Variants in TEX9 observed in about 807,000 individuals in gnomAD.
TEX9 encodes the protein testis expressed 9, also known as testis-expressed protein 9.
A neutral mutation model predicts 59.6 loss-of-function variants in TEX9; 74 were observed. That is an observed-to-expected ratio of 1.24 (90% CI 1.03 to 1.51). The LOEUF (loss-of-function observed/expected upper bound fraction) is 1.51, where lower values mean the gene tolerates loss of function less well. TEX9 is among the 40% of genes most tolerant of loss of function. TEX9 has a pLI of 0.00. For synonymous variants in TEX9, 186 were observed against 152.2 expected, an observed-to-expected ratio of 1.22 and a Z score of -1.64; for missense variants, 522 against 447.8, an observed-to-expected ratio of 1.17 and a Z score of -1.49.
At chr15:56,429,289 C>G (rs1166671174) in intron 12 of TEX9, 1 of 751,996 alleles carries the variant, frequency 1.3e-6, no homozygotes. Flanking sequence ...AAAGTTATCT[C>G]CAAGGTAATG....
At chr15:56,333,349 G>C (rs1417930397) in intron 1 of TEX9, among the ~76,000 whole-genome samples, 5 of 151,886 alleles carry the variant, frequency 3.3e-5, no homozygotes, top group African/African-American at 1.2e-4. Flanking sequence ...AGTGATGGAG[G>C]GATGGTTCAA....
At chr15:56,384,454 T>C (rs2142178207) in intron 4 of TEX9, among the ~76,000 whole-genome samples, 1 of 152,248 alleles carries the variant, frequency 6.6e-6, no homozygotes, top group Non-Finnish European at 1.5e-5. Context: ...GCCATGAAGA[T>C]GAGTAAAATT....
downstream of TEX9, among the ~76,000 whole-genome samples, chr15:56,448,197 C>A (rs139123815): frequency 6.6e-6 from 1 of 152,150 alleles, no homozygotes. Context: ...AGTAGATGCA[C>A]GTTCAGCGTT....
At chr15:56,423,125 A>T (rs80206393) in intron 10 of TEX9, among the ~76,000 whole-genome samples, 375 of 152,294 alleles carry the variant, frequency 2.5e-3, no homozygotes, top group Non-Finnish European at 4.0e-3. Flanking sequence ...ACAGATATCA[A>T]TGTCTCCTAG....
intron 9 of TEX9, chr15:56,396,159 C>G (rs541628636): frequency 6.6e-6 from 1 of 152,102 alleles, no homozygotes; most frequent in African/African-American, 2.4e-5. Context: ...TAGCATATCC[C>G]GAGATTTAGT....
chr15:56,264,841 A>T (rs192120767), intron 1 of TEX9, among the ~76,000 whole-genome samples: 1 of 152,178 alleles, frequency 6.6e-6, no homozygotes, highest in Non-Finnish European at 1.5e-5. Context: ...TTTCCACACT[A>T]TGTTTTAGAA....
At chr15:56,372,600 G>C (rs1374510277) in intron 2 of TEX9, among the ~76,000 whole-genome samples, 2 of 152,132 alleles carry the variant, frequency 1.3e-5, no homozygotes, top group Admixed American at 6.5e-5. Flanking sequence ...TCGTATAGCA[G>C]TTTAACATGC....
chr15:56,381,868 A>T (rs900151081), intron 3 of TEX9, among the ~76,000 whole-genome samples: 1 of 152,124 alleles, frequency 6.6e-6, no homozygotes, highest in Non-Finnish European at 1.5e-5. Flanking sequence ...GCTACCACCT[A>T]TGTTCACTCA....
intron 1 of TEX9, among the ~76,000 whole-genome samples, chr15:56,309,693 G>GTT (rs60648387): frequency 0.02 from 1,193 of 60,722 alleles, 109 homozygotes; most frequent in East Asian, 0.17. Context: ...TTTATGGGAA[G>GTT]TTTTTTTTTT....
At chr15:56,394,562 A>G (rs113221317) in intron 8 of TEX9, 99 bp from the exon 9 acceptor site, 1 of 904,270 alleles carries the variant, frequency 1.1e-6, no homozygotes, top group Non-Finnish European at 1.7e-6. Flanking sequence ...TGAAACGTGT[A>G]TAAATATCAA....
At chr15:56,377,170 AT>A (rs1301718479) in intron 3 of TEX9, among the ~76,000 whole-genome samples, 1 of 152,082 alleles carries the variant, frequency 6.6e-6, no homozygotes, top group Admixed American at 6.6e-5. Context: ...CCATAGTATA[AT>A]TTGAAGCCAG....
chr15:56,270,735 G>T (rs923945237), intron 1 of TEX9, among the ~76,000 whole-genome samples: 2 of 152,124 alleles, frequency 1.3e-5, no homozygotes, highest in Non-Finnish European at 2.9e-5. Flanking sequence ...AGCATTGATG[G>T]TCTTTACAAT....
chr15:56,427,686 A>AC lies in TEX9; in HGVS notation c.1045_1046insC (p.Met349ThrfsTer12). ...GCTAGAAAAACAAAAAGGAGAATTA[A>AC]TGATAGGGTTCAAGAAACAGTTAAA... is the stretch of plus-strand genomic sequence containing the variant. On this transcript the variant is annotated frameshift_variant, in exon 11 of 13. Coordinates refer to ENST00000352903, the Ensembl canonical transcript of TEX9. LOFTEE classifies it high-confidence loss of function. 6.5e-7 allele frequency: 1 copy of AC among 1,532,900 alleles called. No homozygotes were observed. The highest frequency in any genetic ancestry group is 8.8e-7 in the Non-Finnish European group (1 of 1,140,658). The allele number at this position is 1,532,900 out of a possible 1,614,324, so 95.0% of individuals were successfully genotyped here.
chr15:56,339,125 G>C (rs2046315695), intron 1 of TEX9, among the ~76,000 whole-genome samples: 1 of 151,700 alleles, frequency 6.6e-6, no homozygotes, highest in Non-Finnish European at 1.5e-5. Flanking sequence ...GCTCACGTCT[G>C]TAATCCCAGC....
At chr15:56,431,315 A>G in intron 12 of TEX9, 1 of 1,575,636 alleles carries the variant, frequency 6.3e-7, no homozygotes. Context: ...TCCAAATACC[A>G]TGTTTTTTTC....
chr15:56,354,458 A>G (rs746709505), intron 1 of TEX9, among the ~76,000 whole-genome samples: 1 of 152,218 alleles, frequency 6.6e-6, no homozygotes, highest in Non-Finnish European at 1.5e-5. Flanking sequence ...GGTGGGGGAA[A>G]GACATACCAG....
At chr15:56,402,620 C>T (rs2048853181) in intron 9 of TEX9, among the ~76,000 whole-genome samples, 1 of 152,174 alleles carries the variant, frequency 6.6e-6, no homozygotes. Flanking sequence ...AGAGGGAATC[C>T]TCCCTAACTC....
At chr15:56,414,318 G>T (rs1213649917) in intron 10 of TEX9, among the ~76,000 whole-genome samples, 1 of 151,594 alleles carries the variant, frequency 6.6e-6, no homozygotes, top group South Asian at 2.1e-4. Context: ...ATGGGGGTTT[G>T]TTGCACATAT....
chr15:56,253,306 T>C (rs2044071993), intron 1 of TEX9, among the ~76,000 whole-genome samples: 1 of 151,822 alleles, frequency 6.6e-6, no homozygotes. Context: ...ACCCCAAAAA[T>C]CATAAAACAA....
Sources: allele counts gnomAD v4.1 joint callset (sites outside exome capture counted in the v4.1 genomes callset), GRCh38; gene constraint gnomAD v4.1.1; transcripts MANE v1.5; gene names NCBI Gene and HGNC (gene_info 2026-07-23, HGNC 2026-07-21).